CADPS: variants seen among roughly 807,000 people sequenced by gnomAD.
CADPS encodes calcium-dependent secretion activator 1.
CADPS carries 57 observed loss-of-function variants against 167.3 expected under a neutral mutation model. The ratio of observed to expected loss-of-function variants is 0.34; its 90% CI spans 0.28 to 0.42. CADPS has a LOEUF of 0.42. Ranked by LOEUF, CADPS falls within the 20% of genes least tolerant of loss-of-function variation. The probability of loss-of-function intolerance (pLI) is 1.00; values close to 1 mark genes in which losing one functional copy is unlikely to be tolerated. For missense variants in CADPS, 1,414 were observed against 1,738.1 expected (o/e 0.81, Z 3.32); for synonymous variants, 676 against 635.3 (o/e 1.06, Z -0.96).
intron 3 of CADPS, among the ~76,000 whole-genome samples, chr3:62,736,179 G>A (rs1259255296): frequency 6.6e-6 from 1 of 152,178 alleles, no homozygotes; most frequent in Non-Finnish European, 1.5e-5. Flanking sequence ...TCATCTTTAA[G>A]GGGAAATAGG....
At chr3:62,595,760 GTGGGTGT>G (rs1562642414) in intron 6 of CADPS, among the ~76,000 whole-genome samples, 1 of 152,194 alleles carries the variant, frequency 6.6e-6, no homozygotes. Flanking sequence ...GTGTGTTTGT[GTGGGTGT>G]TGCCAAAAGA....
At chr3:62,510,747 G>C (rs868553270) in intron 17 of CADPS, among the ~76,000 whole-genome samples, 2 of 152,024 alleles carry the variant, frequency 1.3e-5, no homozygotes, top group Middle Eastern at 3.2e-3. Flanking sequence ...CTGTAACTCC[G>C]GTGGTGCCCT....
At chr3:62,789,016 T>C (rs1385232080) in intron 1 of CADPS, among the ~76,000 whole-genome samples, 3 of 152,212 alleles carry the variant, frequency 2.0e-5, no homozygotes, top group Non-Finnish European at 4.4e-5. Context: ...CACAAAAATA[T>C]GTTCTCCCTG....
At chr3:62,788,217 T>C (rs1261265020) in intron 1 of CADPS, among the ~76,000 whole-genome samples, 1 of 152,120 alleles carries the variant, frequency 6.6e-6, no homozygotes, top group Non-Finnish European at 1.5e-5. Context: ...CCTTAATTAT[T>C]TACAAAGTGC....
chr3:62,555,869 T>C (rs1335239502), intron 10 of CADPS, among the ~76,000 whole-genome samples: 1 of 152,090 alleles, frequency 6.6e-6, no homozygotes, highest in Non-Finnish European at 1.5e-5. Flanking sequence ...GCCTCCCTAG[T>C]AGCCTCCCTG....
chr3:62,583,153 T>TTCTCTCTCTC lies in CADPS; in HGVS notation c.1577+2031_1577+2032insGAGAGAGAGA, dbSNP rs1562465022. ...CTCTCTTTGATCTGCCCTACCCTCT[T>TTCTCTCTCTC]TGTCTCTCTCTCTCTCTCTCTCTCT... On this transcript the variant is annotated intron_variant, in intron 8 of 29. Coordinates refer to ENST00000383710, the MANE Select transcript of CADPS (RefSeq NM_003716.4). 3.1e-5 allele frequency among the ~76,000 whole-genome samples: 2 copies of TTCTCTCTCTC among 64,040 alleles called. 1 individual carries two copies. The highest frequency in any genetic ancestry group is 1.4e-3 in the South Asian group (2 of 1,416). The allele number at this position is 64,040 out of a possible 152,430, so 42.0% of individuals were successfully genotyped here. A position where few individuals can be genotyped will look rare whatever the true frequency, so the allele number is the denominator to read the frequency against.
At chr3:62,590,757 GA>G (rs1177625439) in intron 7 of CADPS, among the ~76,000 whole-genome samples, 3 of 152,158 alleles carry the variant, frequency 2.0e-5, no homozygotes, top group Admixed American at 6.6e-5. Flanking sequence ...TGTTATATCA[GA>G]GGCTCAGAGA....
At chr3:62,686,241 AT>A (rs2078013199) in intron 3 of CADPS, among the ~76,000 whole-genome samples, 1 of 152,050 alleles carries the variant, frequency 6.6e-6, no homozygotes, top group African/African-American at 2.4e-5. Flanking sequence ...ACAGAAGAAC[AT>A]TTTCGTTTTC....
Position 62,550,216 on chromosome 3 carries a change from C to T in CADPS, c.1754-101G>A, listed in dbSNP as rs191332321. 137 of 850,904 alleles carry T rather than the reference C, an allele frequency of 1.6e-4. 1 individual carries two copies. The Middle Eastern group carries it at 1.8e-3, about 11-fold the overall frequency. The allele number at this position is 850,904 out of a possible 1,614,324, so 52.7% of individuals were successfully genotyped here. ...CAGTTTCTGCTGCTTTTCCTTGGGA[C>T]AGAAGAGGGGGGTAGTGATTAACTT... On this transcript the variant is annotated intron_variant, in intron 10 of 29. Coordinates refer to ENST00000383710, the MANE Select transcript of CADPS (RefSeq NM_003716.4).
intron 1 of CADPS, among the ~76,000 whole-genome samples, chr3:62,838,107 C>A (rs967776487): frequency 6.6e-6 from 1 of 152,176 alleles, no homozygotes; most frequent in African/African-American, 2.4e-5. Context: ...TCTGAGATCT[C>A]TACATGTGTC....
intron 6 of CADPS, among the ~76,000 whole-genome samples, chr3:62,643,310 C>T (rs1429934291): frequency 6.6e-6 from 1 of 152,194 alleles, no homozygotes; most frequent in Admixed American, 6.5e-5. Flanking sequence ...CTTCTCAATA[C>T]AGCACTTCAG....
rs561386904 is a variant in CADPS at position 62,650,388 on chromosome 3, T to C, written c.1203+459A>G. On this transcript the variant is annotated intron_variant, in intron 5 of 29. Transcript: ENST00000383710. ...CATTTTGCCACAATACTAGCCTGAA[T>C]GGGTACTTACTTTGGGAGCTGAGAT... Among the ~76,000 whole-genome samples, 11 of 152,272 alleles carry C rather than the reference T, an allele frequency of 7.2e-5. No individual in the cohort carries two copies. In the Middle Eastern group the frequency reaches 0.01, roughly 141 times the overall value.
chr3:62,543,676 T>A (rs915195386), intron 11 of CADPS, among the ~76,000 whole-genome samples: 2 of 151,924 alleles, frequency 1.3e-5, no homozygotes, highest in African/African-American at 2.4e-5. Flanking sequence ...ACAAAAAAAA[T>A]TTGAAGAAAA....
At chr3:62,491,532 G>T in intron 20 of CADPS, 52 bp from the exon 21 acceptor site, 18 of 1,280,702 alleles carry the variant, frequency 1.4e-5, no homozygotes, top group Admixed American at 1.9e-5. Context: ...CTTTATCAAC[G>T]TACAACACAC....
chr3:62,751,242 T>A (rs1262288152), intron 3 of CADPS, among the ~76,000 whole-genome samples: 1 of 152,192 alleles, frequency 6.6e-6, no homozygotes, highest in East Asian at 1.9e-4. Context: ...CTCCTGAAAC[T>A]TAGATTACTA....
At chr3:62,582,159 T>G (rs991474924) in intron 8 of CADPS, among the ~76,000 whole-genome samples, 11 of 152,190 alleles carry the variant, frequency 7.2e-5, no homozygotes, top group Admixed American at 7.2e-4. Flanking sequence ...AAAAATTGCT[T>G]TTTCGGCAGG....
intron 3 of CADPS, among the ~76,000 whole-genome samples, chr3:62,724,977 T>A (rs1211925418): frequency 1.3e-5 from 2 of 152,186 alleles, no homozygotes; most frequent in African/African-American, 4.8e-5. Flanking sequence ...CTGACTGTAG[T>A]GAGAGTGCTC....
chr3:62,543,295 T>C (rs768499123), intron 11 of CADPS, among the ~76,000 whole-genome samples: 8 of 152,192 alleles, frequency 5.3e-5, no homozygotes, highest in East Asian at 1.9e-4. Flanking sequence ...TAAGAAGATA[T>C]AGCAAAATTT....
At chr3:62,563,648 G>A (rs1173582030) in intron 9 of CADPS, among the ~76,000 whole-genome samples, 1 of 152,146 alleles carries the variant, frequency 6.6e-6, no homozygotes, top group Non-Finnish European at 1.5e-5. Context: ...CTCCCAATCA[G>A]TATACAATGA....
Sources: allele counts gnomAD v4.1 joint callset (sites outside exome capture counted in the v4.1 genomes callset), GRCh38; gene constraint gnomAD v4.1.1; transcripts MANE v1.5; gene names NCBI Gene and HGNC (gene_info 2026-07-23, HGNC 2026-07-21).